The following TAMM41 variants were observed in gnomAD, a reference collection of about 807,000 sequenced individuals.
TAMM41 encodes the protein phosphatidate cytidylyltransferase, mitochondrial.
TAMM41 carries 36 observed loss-of-function variants against 44.1 expected under a neutral mutation model. That is an observed-to-expected ratio of 0.82 (90% CI 0.63 to 1.08). The LOEUF is 1.08. TAMM41 is among the 50% of genes least tolerant of loss of function. The pLI is 0.00. For synonymous variants in TAMM41, 164 were observed against 153.1 expected, an observed-to-expected ratio of 1.07 and a Z score of -0.53; for missense variants, 417 against 404.3, an observed-to-expected ratio of 1.03 and a Z score of -0.27.
chr3:11,761,903 C>T, the TAMM41 span, among the ~76,000 whole-genome samples: 13 of 145,616 alleles, frequency 8.9e-5, no homozygotes, highest in African/African-American at 1.8e-4. Context: ...GCCAAGATCA[C>T]GCCATCGCAC....
At chr3:11,809,805 C>A in intron 5 of TAMM41, 123 bp from the exon 6 acceptor site, 1 of 950,998 alleles carries the variant, frequency 1.1e-6, no homozygotes, top group South Asian at 1.8e-5. Flanking sequence ...CCTGGCGAGG[C>A]AGCAAGCTAA....
In TAMM41 at chr3:11,817,299, CTTTTG is replaced by C. The variant is rs766829428; in HGVS notation, c.596_600del (p.Thr199SerfsTer29). 12 of 1,612,382 alleles carry C rather than the reference CTTTTG, an allele frequency of 7.4e-6. No individual in the cohort carries two copies. The African/African-American group carries it at 1.2e-4, about 16-fold the overall frequency. On this transcript the variant is annotated frameshift_variant, in exon 5 of 8. Coordinates refer to ENST00000455809, the MANE Select transcript of TAMM41 (RefSeq NM_001284401.2). LOFTEE classifies it high-confidence loss of function. ...ATATTGGGCTTCACAATATTCAACACTTTTGTTTTATCTTCTCCAACCACCATCCG... is the reference window on the plus strand; with the variant it reads ...ATATTGGGCTTCACAATATTCAACACTTTTATCTTCTCCAACCACCATCCG...
chr3:11,725,625 C>T, the TAMM41 span, among the ~76,000 whole-genome samples: 3 of 151,970 alleles, frequency 2.0e-5, no homozygotes, highest in South Asian at 2.1e-4. Context: ...TTTTTAGTAG[C>T]GATGGGGTTT....
intron 2 of TAMM41, among the ~76,000 whole-genome samples, chr3:11,841,795 G>A (rs144128244): frequency 2.0e-5 from 3 of 152,196 alleles, no homozygotes; most frequent in Non-Finnish European, 4.4e-5. Flanking sequence ...ACCACTGGGA[G>A]GTAACAGAAA....
chr3:11,781,544 G>A, the TAMM41 span, among the ~76,000 whole-genome samples: 1 of 152,008 alleles, frequency 6.6e-6, no homozygotes, highest in Non-Finnish European at 1.5e-5. Flanking sequence ...AGAGCAGCCT[G>A]GCCAACATGG....
At chr3:11,815,835 A>G (rs1461498376) in intron 5 of TAMM41, among the ~76,000 whole-genome samples, 1 of 152,226 alleles carries the variant, frequency 6.6e-6, no homozygotes, top group Non-Finnish European at 1.5e-5. Context: ...GGTGAATATC[A>G]GAAGAATCAG....
chr3:11,791,343 G>A (rs1432878024), intron 7 of TAMM41, among the ~76,000 whole-genome samples: 2 of 152,198 alleles, frequency 1.3e-5, no homozygotes, highest in African/African-American at 4.8e-5. Context: ...AGGAGTGTGT[G>A]ATGAAACTGG....
chr3:11,723,173 C>T, the TAMM41 span, among the ~76,000 whole-genome samples: 1 of 109,054 alleles, frequency 9.2e-6, no homozygotes, highest in Non-Finnish European at 1.8e-5. Flanking sequence ...ATGATGATGC[C>T]AGGATTACCT....
chr3:11,776,976 G>A, the TAMM41 span, among the ~76,000 whole-genome samples: 16 of 152,216 alleles, frequency 1.1e-4, no homozygotes, highest in African/African-American at 3.1e-4. Flanking sequence ...CAGTAGAATC[G>A]TAGTTCCTAG....
At chr3:11,741,088 G>A in the TAMM41 span, among the ~76,000 whole-genome samples, 20 of 146,946 alleles carry the variant, frequency 1.4e-4, 1 homozygote, top group African/African-American at 3.2e-4. Context: ...GCATGGTGGC[G>A]CATGCCTGTA....
the TAMM41 span, among the ~76,000 whole-genome samples, chr3:11,756,496 G>A: frequency 1.3e-5 from 2 of 152,140 alleles, no homozygotes; most frequent in East Asian, 1.9e-4. Flanking sequence ...TTATATATGA[G>A]CAAATTGAGA....
At chr3:11,803,397 A>T (rs2077811498) in intron 7 of TAMM41, among the ~76,000 whole-genome samples, 1 of 152,194 alleles carries the variant, frequency 6.6e-6, no homozygotes, top group South Asian at 2.1e-4. Context: ...CTCACAAAAA[A>T]AAACAAAAAA....
chr3:11,758,380 C>T, the TAMM41 span, among the ~76,000 whole-genome samples: 2 of 152,162 alleles, frequency 1.3e-5, no homozygotes, highest in Non-Finnish European at 2.9e-5. Flanking sequence ...GAGACGGAGT[C>T]TCGCTCTGTT....
chr3:11,743,715 C>T, the TAMM41 span, among the ~76,000 whole-genome samples: 1 of 152,096 alleles, frequency 6.6e-6, no homozygotes, highest in Admixed American at 6.6e-5. Context: ...CTCTAACCAG[C>T]CTCCCTCTGT....
At chr3:11,778,265 C>T in the TAMM41 span, among the ~76,000 whole-genome samples, 1 of 151,990 alleles carries the variant, frequency 6.6e-6, no homozygotes, top group Non-Finnish European at 1.5e-5. Context: ...CGTTCTGTCA[C>T]CCAGGCTGGA....
At chr3:11,838,448 C>T (rs937846202) in intron 3 of TAMM41, among the ~76,000 whole-genome samples, 6 of 152,172 alleles carry the variant, frequency 3.9e-5, no homozygotes, top group Non-Finnish European at 7.3e-5. Flanking sequence ...GAACTCCTGA[C>T]CTCAAATGAT....
At chr3:11,792,733 C>T (rs1249273287) in intron 7 of TAMM41, among the ~76,000 whole-genome samples, 1 of 152,146 alleles carries the variant, frequency 6.6e-6, no homozygotes, top group African/African-American at 2.4e-5. Context: ...ATAAACTGGA[C>T]TACATGAAAT....
intron 7 of TAMM41, among the ~76,000 whole-genome samples, chr3:11,805,474 G>A (rs2077881216): frequency 6.6e-6 from 1 of 152,080 alleles, no homozygotes; most frequent in Non-Finnish European, 1.5e-5. Context: ...GTCTTGCTGT[G>A]TTGCCCAGAC....
the TAMM41 span, among the ~76,000 whole-genome samples, chr3:11,758,737 T>A: frequency 1.3e-5 from 2 of 150,598 alleles, no homozygotes; most frequent in Non-Finnish European, 3.0e-5. Context: ...GCAGTGGTAC[T>A]ATCTCAGCTC....
Sources: gnomAD v4.1 joint callset for allele counts (sites outside exome capture counted in the v4.1 genomes callset) on GRCh38, gnomAD v4.1.1 for gene constraint, MANE v1.5 for transcripts, NCBI Gene and HGNC (gene_info 2026-07-23, HGNC 2026-07-21) for gene names.